Variants in LIMCH1 observed in about 807,000 individuals in gnomAD.
The protein encoded by LIMCH1 is LIM and calponin homology domains-containing protein 1.
A neutral mutation model predicts 176.5 loss-of-function variants in LIMCH1; 113 were observed. The ratio of observed to expected loss-of-function variants is 0.64; its 90% CI spans 0.55 to 0.75. The LOEUF (loss-of-function observed/expected upper bound fraction) is 0.75, where lower values mean the gene tolerates loss of function less well. Among genes scored for constraint, LIMCH1 ranks in the 30% least tolerant of loss-of-function variants. The pLI is 0.00. For missense variants in LIMCH1, 1,674 were observed against 1,814.9 expected, an observed-to-expected ratio of 0.92 and a Z score of 1.41; for synonymous variants, 619 against 645.9, an observed-to-expected ratio of 0.96 and a Z score of 0.63.
chr4:41,554,626 A>G (rs2080991139), intron 1 of LIMCH1, among the ~76,000 whole-genome samples: 1 of 152,158 alleles, frequency 6.6e-6, no homozygotes, highest in African/African-American at 2.4e-5. Context: ...GATGAATTGC[A>G]CAGTTGGCCC....
chr4:41,471,099 A>G (rs1205070746), intron 1 of LIMCH1, among the ~76,000 whole-genome samples: 1 of 151,066 alleles, frequency 6.6e-6, no homozygotes, highest in Non-Finnish European at 1.5e-5. Flanking sequence ...AATTGTTAGT[A>G]GAAATCTTAA....
intron 1 of LIMCH1, among the ~76,000 whole-genome samples, chr4:41,365,562 C>G (rs945257768): frequency 1.3e-5 from 2 of 152,320 alleles, no homozygotes; most frequent in African/African-American, 4.8e-5. Context: ...TTCTTAACAT[C>G]TTTTTATCCC....
chr4:41,543,937 C>T (rs2079020981), intron 1 of LIMCH1, among the ~76,000 whole-genome samples: 1 of 152,140 alleles, frequency 6.6e-6, no homozygotes, highest in African/African-American at 2.4e-5. Context: ...ATTCACAAAC[C>T]TGCCATGAAA....
intron 30 of LIMCH1, among the ~76,000 whole-genome samples, chr4:41,691,997 C>G (rs1726341379): frequency 6.6e-6 from 1 of 152,176 alleles, no homozygotes; most frequent in South Asian, 2.1e-4. Context: ...GCTTTGGAGT[C>G]AACCTGCTAC....
At chr4:41,546,826 C>T (rs1288330665) in intron 1 of LIMCH1, among the ~76,000 whole-genome samples, 2 of 151,842 alleles carry the variant, frequency 1.3e-5, no homozygotes, top group Non-Finnish European at 2.9e-5. Flanking sequence ...ATTCCACATA[C>T]CTACATATAT....
chr4:41,494,930 C>T (rs1472620963), intron 2 of LIMCH1, among the ~76,000 whole-genome samples: 2 of 152,148 alleles, frequency 1.3e-5, no homozygotes, highest in African/African-American at 4.8e-5. Context: ...AAAAGTAAAA[C>T]TTTTCTCCCC....
chr4:41,546,148 TG>T (rs1289387960), intron 1 of LIMCH1, among the ~76,000 whole-genome samples: 3 of 152,158 alleles, frequency 2.0e-5, no homozygotes, highest in African/African-American at 7.2e-5. Context: ...CTGTTTTTTT[TG>T]TTTTTTTGAG....
intron 6 of LIMCH1, chr4:41,619,663 A>C: frequency 1.7e-6 from 1 of 583,140 alleles, no homozygotes. Flanking sequence ...GTATTCAGCA[A>C]CTACTTGTCT....
At chr4:41,445,917 C>T (rs955393357) in intron 1 of LIMCH1, among the ~76,000 whole-genome samples, 1 of 152,162 alleles carries the variant, frequency 6.6e-6, no homozygotes, top group Non-Finnish European at 1.5e-5. Context: ...AAATATATAT[C>T]AACTTAAAGT....
chr4:41,395,956 G>A (rs2154113976), intron 1 of LIMCH1, among the ~76,000 whole-genome samples: 1 of 152,306 alleles, frequency 6.6e-6, no homozygotes, highest in South Asian at 2.1e-4. Flanking sequence ...GGTGATCAGG[G>A]ACAGTCTTAC....
At chr4:41,594,165 A>T (rs369808106) in intron 1 of LIMCH1, among the ~76,000 whole-genome samples, 1 of 152,222 alleles carries the variant, frequency 6.6e-6, no homozygotes, top group Non-Finnish European at 1.5e-5. Context: ...AAATTAGACT[A>T]TTACACCCTT....
At chr4:41,597,677 G>A (rs1193224027) in intron 1 of LIMCH1, among the ~76,000 whole-genome samples, 3 of 152,166 alleles carry the variant, frequency 2.0e-5, no homozygotes, top group Non-Finnish European at 4.4e-5. Context: ...TAGAATTCAT[G>A]GCCAGCATGA....
chr4:41,494,083 TG>T (rs2071580312), intron 1 of LIMCH1, among the ~76,000 whole-genome samples: 1 of 152,084 alleles, frequency 6.6e-6, no homozygotes, highest in African/African-American at 2.4e-5. Context: ...TGACTTATTG[TG>T]CCCAAACCCC....
intron 7 of LIMCH1, among the ~76,000 whole-genome samples, chr4:41,622,064 C>T (rs1241401492): frequency 6.6e-6 from 1 of 151,592 alleles, no homozygotes; most frequent in Non-Finnish European, 1.5e-5. Flanking sequence ...GTATGTGCTT[C>T]TGGAATATTC....
chr4:41,626,058 T>C (rs1046601895), intron 7 of LIMCH1, among the ~76,000 whole-genome samples: 4 of 151,978 alleles, frequency 2.6e-5, no homozygotes, highest in Non-Finnish European at 5.9e-5. Context: ...GACAGGAGGA[T>C]AGAAGAGGGA....
Position 41,697,493 on chromosome 4 carries a change from C to G in LIMCH1, c.*308C>G. The G allele has an allele frequency of 2.9e-6, 1 of 340,668 alleles. No individual in the cohort carries two copies. The highest frequency in any genetic ancestry group is 1.1e-4 in the South Asian group (1 of 8,968). The allele number at this position is 340,668 out of a possible 1,614,324, so 21.1% of individuals were successfully genotyped here. A position where few individuals can be genotyped will look rare whatever the true frequency, so the allele number is the denominator to read the frequency against. ...GGCTTATGGTTTAAAATGTGTTATT[C>G]TCTTCTTTGGGAATTAGCTAAATGA... On this transcript the variant is annotated 3_prime_UTR_variant, in exon 32 of 32. Coordinates refer to ENST00000503057, the MANE Select transcript of LIMCH1 (RefSeq NM_001330672.2).
intron 1 of LIMCH1, among the ~76,000 whole-genome samples, chr4:41,426,104 T>TCCGCCTCCCTGCAAGC (rs2061067748): frequency 6.9e-6 from 1 of 145,918 alleles, no homozygotes; most frequent in African/African-American, 2.6e-5. Context: ...TCACTGCAAG[T>TCCGCCTCCCTGCAAGC]TCCGCCTCCC....
At chr4:41,688,707 T>C (rs1722909763) in intron 29 of LIMCH1, among the ~76,000 whole-genome samples, 1 of 152,214 alleles carries the variant, frequency 6.6e-6, no homozygotes, top group Non-Finnish European at 1.5e-5. Context: ...TAGTTTCAGA[T>C]GGGTTGCTGA....
At chr4:41,423,088 G>C (rs1201166942) in intron 1 of LIMCH1, among the ~76,000 whole-genome samples, 4 of 152,164 alleles carry the variant, frequency 2.6e-5, no homozygotes, top group Non-Finnish European at 5.9e-5. Flanking sequence ...CTGTTACCCA[G>C]CAGCAGCCAC....
Sources: allele counts gnomAD v4.1 joint callset (sites outside exome capture counted in the v4.1 genomes callset), GRCh38; gene constraint gnomAD v4.1.1; transcripts MANE v1.5; gene names NCBI Gene and HGNC (gene_info 2026-07-23, HGNC 2026-07-21).